C20orf203: variants seen among roughly 807,000 people sequenced by gnomAD.
C20orf203 encodes uncharacterized protein C20orf203.
Under a neutral mutation model 15.9 loss-of-function variants are expected in C20orf203, and 16 were observed. The observed-to-expected ratio is 1.01, with a 90% confidence interval of 0.68 to 1.53. The LOEUF is 1.53. C20orf203 is among the 40% of genes most tolerant of loss of function. The probability of loss-of-function intolerance (pLI) is 0.00; values close to 1 mark genes in which losing one functional copy is unlikely to be tolerated. For missense variants in C20orf203, 263 were observed against 247.5 expected (o/e 1.06, Z -0.42); for synonymous variants, 98 against 97.2 (o/e 1.01, Z -0.05).
At chr20:32,647,139 A>G (rs1245750149) in intron 4 of C20orf203, among the ~76,000 whole-genome samples, 1 of 152,234 alleles carries the variant, frequency 6.6e-6, no homozygotes, top group African/African-American at 2.4e-5. Flanking sequence ...TCACACCTGT[A>G]ATCCCAGCAC....
At chr20:32,672,743 C>G (rs1049987509) in intron 1 of C20orf203, among the ~76,000 whole-genome samples, 1 of 152,074 alleles carries the variant, frequency 6.6e-6, no homozygotes, top group Non-Finnish European at 1.5e-5. Flanking sequence ...CTACCCTCCC[C>G]ACTCCCTCCC....
intron 4 of C20orf203, among the ~76,000 whole-genome samples, chr20:32,645,376 C>G (rs557394363): frequency 6.6e-6 from 1 of 152,322 alleles, no homozygotes; most frequent in Non-Finnish European, 1.5e-5. Context: ...TCCTGGCACT[C>G]AGGCTGGGGG....
Position 32,634,037 on chromosome 20 carries a change from G to A in C20orf203, c.*1533C>T, listed in dbSNP as rs951811294. The A allele has an allele frequency of 1.3e-5, 5 of 398,486 alleles. No individual in the cohort carries two copies. The highest frequency in any genetic ancestry group is 1.8e-5 in the Non-Finnish European group (4 of 226,088). 24.7% of individuals were successfully genotyped at this position (398,486 alleles called of 1,614,324 possible). A position where few individuals can be genotyped will look rare whatever the true frequency, so the allele number is the denominator to read the frequency against. ...AACAAACATTGACTGAAATTGAAAT[G>A]AGCCAGTTCTACCCCGGTGTTGGGA... is the stretch of plus-strand genomic sequence containing the variant. On this transcript the variant is annotated 3_prime_UTR_variant, in exon 6 of 6. Transcript: ENST00000608990.
chr20:32,655,129 G>A (rs1482403118), intron 1 of C20orf203, among the ~76,000 whole-genome samples: 1 of 152,182 alleles, frequency 6.6e-6, no homozygotes, highest in African/African-American at 2.4e-5. Context: ...AAAAATTAAA[G>A]TGGATGAAAA....
rs574718645 is a variant in C20orf203, at chr20:32,633,791, C to A, written c.*1779G>T. ...GCCAGTCGCCCTGACAGCCCCCTCACCGCGTTGCACTACCTGGTCCCCTGG... is the reference window on the plus strand; with the variant it reads ...GCCAGTCGCCCTGACAGCCCCCTCAACGCGTTGCACTACCTGGTCCCCTGG... On this transcript the variant is annotated 3_prime_UTR_variant, in exon 6 of 6. Coordinates refer to ENST00000608990, the MANE Select transcript of C20orf203 (RefSeq NM_182584.4). 16 of 371,816 alleles carry A rather than the reference C, an allele frequency of 4.3e-5. No individual in the cohort carries two copies. The highest frequency in any genetic ancestry group is 3.7e-4 in the Admixed American group (8 of 21,704). The allele number at this position is 371,816 out of a possible 1,614,324, so 23.0% of individuals were successfully genotyped here. A position where few individuals can be genotyped will look rare whatever the true frequency, so the allele number is the denominator to read the frequency against.
At chr20:32,640,997 CACATTATA>C (rs1432142429) in intron 4 of C20orf203, among the ~76,000 whole-genome samples, 3 of 152,046 alleles carry the variant, frequency 2.0e-5, no homozygotes, top group African/African-American at 7.3e-5. Context: ...CAATAATATC[CACATTATA>C]TCTGTCAATT....
chr20:32,659,469 A>T (rs1183530846), intron 1 of C20orf203, among the ~76,000 whole-genome samples: 1 of 152,210 alleles, frequency 6.6e-6, no homozygotes, highest in Non-Finnish European at 1.5e-5. Flanking sequence ...CCTCCTCCTG[A>T]TGACCTGAAG....
At chr20:32,666,885 G>GC (rs900419991) in intron 1 of C20orf203, among the ~76,000 whole-genome samples, 3 of 142,362 alleles carry the variant, frequency 2.1e-5, no homozygotes, top group African/African-American at 7.7e-5. Context: ...CTGGCCTCAA[G>GC]CAATCCTCCC....
rs147531913 is a variant in C20orf203, at chr20:32,633,714, T to C, written c.*1856A>G. ...GAGCCCATGACACGTTTCCCTCTTGTAGAAGGTCCTTGTCTGTAACCTGGT... is the reference window on the plus strand; with the variant it reads ...GAGCCCATGACACGTTTCCCTCTTGCAGAAGGTCCTTGTCTGTAACCTGGT... On this transcript the variant is annotated 3_prime_UTR_variant, in exon 6 of 6. Coordinates refer to ENST00000608990, the MANE Select transcript of C20orf203 (RefSeq NM_182584.4). The C allele has an allele frequency of 1.1e-3, 336 of 298,268 alleles. 3 individuals carry two copies. The highest frequency in any genetic ancestry group is 6.8e-3 in the African/African-American group (317 of 46,530). The allele number at this position is 298,268 out of a possible 1,614,324, so 18.5% of individuals were successfully genotyped here.
chr20:32,671,608 C>T lies in C20orf203; in HGVS notation c.-264+2024G>A, dbSNP rs544031926. ...CTATAATCCCAGCACTTTGGGAGGC[C>T]GAGGTGGGCAAATCACCTCAGGTCA... On this transcript the variant is annotated intron_variant, in intron 1 of 5. Transcript: ENST00000608990. 1.9e-3 allele frequency among the ~76,000 whole-genome samples: 287 copies of T among 152,108 alleles called. 1 individual carries two copies. The highest frequency in any genetic ancestry group is 6.4e-3 in the African/African-American group (264 of 41,498).
chr20:32,647,939 C>T (rs907384994), intron 4 of C20orf203, among the ~76,000 whole-genome samples: 1 of 152,142 alleles, frequency 6.6e-6, no homozygotes, highest in Non-Finnish European at 1.5e-5. Context: ...TAGTATCTCC[C>T]CAATCCATTG....
chr20:32,635,910 C>T (rs1024752481), intron 5 of C20orf203, among the ~76,000 whole-genome samples: 14 of 152,202 alleles, frequency 9.2e-5, no homozygotes, highest in Admixed American at 3.3e-4. Flanking sequence ...AGCAAAAACC[C>T]CCAGGGAGCC....
At chr20:32,652,916 G>A (rs1210471229) in intron 1 of C20orf203, among the ~76,000 whole-genome samples, 1 of 152,196 alleles carries the variant, frequency 6.6e-6, no homozygotes, top group African/African-American at 2.4e-5. Context: ...TAGGTCACTG[G>A]CCTTGGGGAT....
chr20:32,650,859 A>T lies in C20orf203; in HGVS notation c.158T>A (p.Leu53His). ...GCCAAGGTCCCAGAGGTGGGCAGTG[A>T]GTCCAGCCAAGACTGATGTGGCCTG... ...LSRATSVLAGLTAHLWDLGGG... is the reference protein window; with the variant it reads ...LSRATSVLAGHTAHLWDLGGG... The change falls in exon 4 of 6, where the codon CTC (leucine) becomes CAC (histidine). Residue 53 changes from leucine (L) to histidine (H), a missense_variant. Transcript: ENST00000608990. 1 of 1,459,406 alleles carries T rather than the reference A, an allele frequency of 6.9e-7. No individual in the cohort carries two copies. Among genetic ancestry groups the T allele is most frequent in the Non-Finnish European group, 9.1e-7 (1 of 1,103,854 alleles). The allele number at this position is 1,459,406 out of a possible 1,614,324, so 90.4% of individuals were successfully genotyped here.
chr20:32,650,226 G>A lies in C20orf203; in HGVS notation c.*206C>T, dbSNP rs1050816488. ...CCCAGAGCCAGCCTGGCACAGCCTC[G>A]GTCCCTAATCATGTTTGCTGAATGC... On this transcript the variant is annotated 3_prime_UTR_variant, in exon 4 of 6. Transcript: ENST00000608990. 1.4e-5 allele frequency: 8 copies of A among 570,364 alleles called. No individual in the cohort carries two copies. Among genetic ancestry groups the A allele is most frequent in the South Asian group, 6.5e-5 (3 of 46,200 alleles). 35.3% of individuals were successfully genotyped at this position (570,364 alleles called of 1,614,324 possible). A position where few individuals can be genotyped will look rare whatever the true frequency, so the allele number is the denominator to read the frequency against.
At chr20:32,659,223 C>T (rs547983233) in intron 1 of C20orf203, among the ~76,000 whole-genome samples, 26 of 152,214 alleles carry the variant, frequency 1.7e-4, no homozygotes, top group Admixed American at 1.1e-3. Flanking sequence ...GCTGCACAGC[C>T]GACCCCCTTG....
At chr20:32,673,191 G>T (rs1338272448) in intron 1 of C20orf203, among the ~76,000 whole-genome samples, 3 of 152,126 alleles carry the variant, frequency 2.0e-5, no homozygotes, top group Admixed American at 6.5e-5. Flanking sequence ...AGGAGCCCCA[G>T]GGCTGGTACA....
intron 1 of C20orf203, among the ~76,000 whole-genome samples, chr20:32,667,576 GC>G (rs1348818462): frequency 6.6e-6 from 1 of 152,192 alleles, no homozygotes; most frequent in Non-Finnish European, 1.5e-5. Context: ...ACTTAACAAA[GC>G]CTAGAAGAAC....
At chr20:32,642,006 A>G (rs1394425959) in intron 4 of C20orf203, among the ~76,000 whole-genome samples, 3 of 151,802 alleles carry the variant, frequency 2.0e-5, no homozygotes, top group Admixed American at 2.0e-4. Context: ...CACCACGCCT[A>G]ATTTTTGTAT....
Sources: gnomAD v4.1 joint callset for allele counts (sites outside exome capture counted in the v4.1 genomes callset) on GRCh38, gnomAD v4.1.1 for gene constraint, MANE v1.5 for transcripts, NCBI Gene and HGNC (gene_info 2026-07-23, HGNC 2026-07-21) for gene names.